UNC13C: variants seen among roughly 807,000 people sequenced by gnomAD.
The protein encoded by UNC13C is protein unc-13 homolog C.
In UNC13C, 174 loss-of-function variants were observed where a neutral mutation model predicts 245.4. That is an observed-to-expected ratio of 0.71 (90% CI 0.63 to 0.80). The LOEUF (loss-of-function observed/expected upper bound fraction) is 0.80, where lower values mean the gene tolerates loss of function less well. Among genes scored for constraint, UNC13C ranks in the 30% least tolerant of loss-of-function variants. The pLI is 0.00. For synonymous variants in UNC13C, 992 were observed against 895.1 expected (o/e 1.11, Z -1.93); for missense variants, 2,829 against 2,602.9 (o/e 1.09, Z -1.89).
chr15:53,899,206 C>T, the UNC13C span, among the ~76,000 whole-genome samples: 2 of 152,116 alleles, frequency 1.3e-5, no homozygotes, highest in Admixed American at 1.3e-4. Flanking sequence ...TGCCTATGTC[C>T]ACTGGAATAT....
intron 2 of UNC13C, among the ~76,000 whole-genome samples, chr15:54,042,950 A>G (rs751366931): frequency 1.3e-5 from 2 of 152,144 alleles, no homozygotes; most frequent in African/African-American, 4.8e-5. Flanking sequence ...AAATGAGTCT[A>G]TCACACTTCT....
chr15:54,569,198 T>C (rs1004978003), intron 30 of UNC13C, among the ~76,000 whole-genome samples: 30 of 96,956 alleles, frequency 3.1e-4, no homozygotes, highest in African/African-American at 2.4e-3. Flanking sequence ...CATTTATGTG[T>C]ACACCCCCCC....
chr15:53,957,757 A>T, the UNC13C span, among the ~76,000 whole-genome samples: 65,681 of 151,990 alleles, frequency 0.43, 14,409 homozygotes, highest in East Asian at 0.61. Flanking sequence ...GCCTTATTTT[A>T]AACGTAGTTT....
chr15:54,349,476 A>G (rs1199492237), intron 17 of UNC13C, among the ~76,000 whole-genome samples: 1 of 152,156 alleles, frequency 6.6e-6, no homozygotes, highest in Non-Finnish European at 1.5e-5. Flanking sequence ...CTAAAACTGA[A>G]TTATGACAAT....
chr15:54,508,058 T>C (rs1894562904), intron 23 of UNC13C, among the ~76,000 whole-genome samples: 1 of 152,240 alleles, frequency 6.6e-6, no homozygotes, highest in East Asian at 1.9e-4. Context: ...TTGAGAATTC[T>C]ATAAGATGCT....
chr15:54,143,362 T>A lies in UNC13C; in HGVS notation c.3007-258T>A, dbSNP rs751135712. ...TGATCTTCACTGTGCATATCAAGTT[T>A]TAAGGGCAAATAGTACTTGGAATAT... On this transcript the variant is annotated intron_variant, in intron 3 of 32. Coordinates refer to ENST00000260323, the MANE Select transcript of UNC13C (RefSeq NM_001080534.3). 2.6e-5 allele frequency among the ~76,000 whole-genome samples: 4 copies of A among 152,182 alleles called. No individual in the cohort carries two copies. In the East Asian group the frequency reaches 7.7e-4, roughly 29 times the overall value.
intron 4 of UNC13C, among the ~76,000 whole-genome samples, chr15:54,219,657 C>G (rs1199890856): frequency 1.3e-5 from 2 of 151,440 alleles, no homozygotes; most frequent in African/African-American, 2.4e-5. Context: ...TCAGAGTGAA[C>G]AGGCAACCTA....
intron 4 of UNC13C, among the ~76,000 whole-genome samples, chr15:54,196,083 G>C (rs1198852520): frequency 6.6e-6 from 1 of 152,062 alleles, no homozygotes; most frequent in African/African-American, 2.4e-5. Flanking sequence ...TTTACCATGT[G>C]GGAAAGCTCT....
intron 4 of UNC13C, among the ~76,000 whole-genome samples, chr15:54,197,971 G>A (rs1457010937): frequency 2.6e-5 from 4 of 152,114 alleles, no homozygotes. Context: ...ACTCGGTGCT[G>A]TTGGAGGGGT....
intron 18 of UNC13C, among the ~76,000 whole-genome samples, chr15:54,405,050 T>C (rs2040264401): frequency 6.6e-6 from 1 of 152,186 alleles, no homozygotes; most frequent in Non-Finnish European, 1.5e-5. Context: ...GTCTCATTTA[T>C]ACTTAGAATT....
At chr15:54,555,634 T>C (rs1897058757) in intron 29 of UNC13C, 122 bp downstream of exon 29, 1 of 716,322 alleles carries the variant, frequency 1.4e-6, no homozygotes, top group Non-Finnish European at 2.3e-6. Context: ...TAGTAGATAG[T>C]TGAATAGATA....
intron 17 of UNC13C, among the ~76,000 whole-genome samples, chr15:54,351,714 C>T (rs1361254683): frequency 6.6e-6 from 1 of 152,092 alleles, no homozygotes; most frequent in Non-Finnish European, 1.5e-5. Flanking sequence ...TATATCCAAC[C>T]TAACGCTTCA....
rs149629271 is a variant in UNC13C, at chr15:54,627,960, A to G, written c.*847A>G. On this transcript the variant is annotated 3_prime_UTR_variant, in exon 33 of 33. Transcript: ENST00000260323. ...TGTTAATATCTTCCCTCTGACAGTT[A>G]TGACTCTATAATCAGTTCAATGCTT... is the stretch of plus-strand genomic sequence containing the variant. The G allele has an allele frequency of 8.2e-3, 1,247 of 152,682 alleles. 8 individuals carry two copies. Among genetic ancestry groups the G allele is most frequent in the Non-Finnish European group, 0.01 (707 of 67,990 alleles). 9.5% of individuals were successfully genotyped at this position (152,682 alleles called of 1,614,324 possible). A position where few individuals can be genotyped will look rare whatever the true frequency, so the allele number is the denominator to read the frequency against.
Position 54,450,742 on chromosome 15 carries a change from G to C in UNC13C, c.4933+35675G>C, listed in dbSNP as rs1019661574. Among the ~76,000 whole-genome samples, 2 of 152,176 alleles carry C rather than the reference G, an allele frequency of 1.3e-5. 1 individual carries two copies. The highest frequency in any genetic ancestry group is 4.8e-5 in the African/African-American group (2 of 41,442). ...CCCGGTTGAGGTGATGCCTTGCCCT[G>C]CTTCAGCTCACGCTCGGTGCACTGC... On this transcript the variant is annotated intron_variant, in intron 19 of 32. Transcript: ENST00000260323.
intron 2 of UNC13C, among the ~76,000 whole-genome samples, chr15:54,116,111 C>T (rs746969166): frequency 2.0e-5 from 3 of 152,054 alleles, no homozygotes; most frequent in Non-Finnish European, 2.9e-5. Context: ...CCCGCCCCCT[C>T]ACCTACCCTT....
chr15:54,024,673 C>T (rs1896031426), intron 2 of UNC13C, among the ~76,000 whole-genome samples: 1 of 152,122 alleles, frequency 6.6e-6, no homozygotes, highest in African/African-American at 2.4e-5. Flanking sequence ...AATCCCAGCA[C>T]TTTGGGAGGC....
At chr15:54,071,060 CAG>C (rs1361023061) in intron 2 of UNC13C, among the ~76,000 whole-genome samples, 11 of 152,070 alleles carry the variant, frequency 7.2e-5, no homozygotes, top group Admixed American at 6.6e-4. Flanking sequence ...AAGAGTCTAG[CAG>C]AGTCTGGTGT....
chr15:54,547,514 G>A (rs1023153517), intron 27 of UNC13C, among the ~76,000 whole-genome samples: 3 of 152,096 alleles, frequency 2.0e-5, no homozygotes, highest in Non-Finnish European at 4.4e-5. Context: ...CGTGACTGAG[G>A]AAGATAAATT....
rs1042531037 is a variant in UNC13C, at chr15:54,014,237, A to G, written c.1334A>G (p.Asn445Ser). The G allele has an allele frequency of 6.2e-7, 1 of 1,613,920 alleles. No individual in the cohort carries two copies. Among genetic ancestry groups the G allele is most frequent in the South Asian group, 1.1e-5 (1 of 91,084 alleles). ...STPEPKIKKN[N>S]WQSPDDSDED... ...CCAGAGCCAAAAATCAAGAAGAACA[A>G]TTGGCAGTCACCTGATGACAGTGAT... is the stretch of plus-strand genomic sequence containing the variant. Residue 445 changes from asparagine to serine, a missense_variant, in exon 2 of 33, where the codon AAT becomes AGT. Transcript: ENST00000260323.
Sources: gnomAD v4.1 joint callset for allele counts (sites outside exome capture counted in the v4.1 genomes callset) on GRCh38, gnomAD v4.1.1 for gene constraint, MANE v1.5 for transcripts, NCBI Gene and HGNC (gene_info 2026-07-23, HGNC 2026-07-21) for gene names.